TANC2: variants seen among roughly 807,000 people sequenced by gnomAD.
The protein encoded by TANC2 is tetratricopeptide repeat, ankyrin repeat and coiled-coil containing 2, also known as protein TANC2.
A neutral mutation model predicts 210.5 loss-of-function variants in TANC2; 26 were observed. That is an observed-to-expected ratio of 0.12 (90% confidence interval 0.09 to 0.17). The LOEUF (loss-of-function observed/expected upper bound fraction) is 0.17, where lower values mean the gene tolerates loss of function less well. Ranked by LOEUF, TANC2 falls within the 10% of genes least tolerant of loss-of-function variation. TANC2 has a pLI of 1.00. For synonymous variants in TANC2, 931 were observed against 967.1 expected (o/e 0.96, Z 0.69); for missense variants, 2,129 against 2,608.9 (o/e 0.82, Z 4.01).
intron 5 of TANC2, chr17:63,153,268 A>G (rs2039718987): frequency 6.6e-6 from 1 of 152,136 alleles, no homozygotes; most frequent in Non-Finnish European, 1.5e-5. Context: ...TAATTTTTGA[A>G]TTTCTTTCAC....
chr17:63,364,623 T>C (rs1567955917), intron 14 of TANC2, among the ~76,000 whole-genome samples: 1 of 152,152 alleles, frequency 6.6e-6, no homozygotes, highest in Non-Finnish European at 1.5e-5. Flanking sequence ...CGTTTACTTA[T>C]TCATGAAGCA....
chr17:63,302,677 A>C (rs1001686638), intron 9 of TANC2, among the ~76,000 whole-genome samples: 1 of 118,668 alleles, frequency 8.4e-6, no homozygotes, highest in Non-Finnish European at 1.6e-5. Flanking sequence ...TTTTGAGCCT[A>C]TGTGTGTCTT....
At chr17:63,238,286 A>G (rs1231650050) in intron 8 of TANC2, among the ~76,000 whole-genome samples, 1 of 152,154 alleles carries the variant, frequency 6.6e-6, no homozygotes, top group Non-Finnish European at 1.5e-5. Flanking sequence ...GTGATTGCTT[A>G]GTTCTGCTCC....
At chr17:63,389,136 T>A (rs1374515050) in intron 16 of TANC2, among the ~76,000 whole-genome samples, 172 bp from the exon 17 acceptor site, 1 of 152,204 alleles carries the variant, frequency 6.6e-6, no homozygotes, top group East Asian at 1.9e-4. Flanking sequence ...AAAGGAGATA[T>A]TTTACATTAT....
At chr17:63,415,397 C>G (rs2048826912) in intron 25 of TANC2, 131 bp from the exon 26 acceptor site, 1 of 1,217,998 alleles carries the variant, frequency 8.2e-7, no homozygotes, top group Non-Finnish European at 1.1e-6. Context: ...GCCAGAACTC[C>G]TCTCTAGGCT....
chr17:63,160,906 T>C (rs1166225652), intron 5 of TANC2, among the ~76,000 whole-genome samples: 1 of 152,230 alleles, frequency 6.6e-6, no homozygotes, highest in East Asian at 1.9e-4. Flanking sequence ...ATGGTCATCC[T>C]CAAATATTTT....
At chr17:63,280,475 T>C (rs898562771) in intron 9 of TANC2, among the ~76,000 whole-genome samples, 1 of 152,112 alleles carries the variant, frequency 6.6e-6, no homozygotes, top group East Asian at 1.9e-4. Context: ...GGATGTCTGC[T>C]AATAGTGAAG....
chr17:63,181,640 T>C (rs536543825), intron 5 of TANC2, among the ~76,000 whole-genome samples: 1 of 152,320 alleles, frequency 6.6e-6, no homozygotes, highest in South Asian at 2.1e-4. Context: ...CACCGACACC[T>C]CCTACCACCT....
intron 1 of TANC2, among the ~76,000 whole-genome samples, chr17:63,007,960 CTG>C (rs35942265): frequency 0.011 from 1,554 of 138,712 alleles, 16 homozygotes; most frequent in Non-Finnish European, 0.02. Flanking sequence ...TATTTTTAAA[CTG>C]AGAGTAAATT....
At chr17:63,111,024 A>G (rs1011976352) in intron 4 of TANC2, among the ~76,000 whole-genome samples, 2 of 152,140 alleles carry the variant, frequency 1.3e-5, no homozygotes, top group African/African-American at 4.8e-5. Context: ...ATTAAGTAAG[A>G]TATCATGGCC....
intron 2 of TANC2, among the ~76,000 whole-genome samples, chr17:63,067,593 TAAGA>T (rs977135290): frequency 1.1e-4 from 16 of 151,962 alleles, no homozygotes; most frequent in African/African-American, 3.6e-4. Flanking sequence ...AATAAAGTCT[TAAGA>T]AAGAAATAGG....
At chr17:63,296,572 C>G (rs1248333042) in intron 9 of TANC2, among the ~76,000 whole-genome samples, 1 of 152,098 alleles carries the variant, frequency 6.6e-6, no homozygotes, top group East Asian at 1.9e-4. Context: ...TGACAGAAGC[C>G]ATCCCTGAGG....
At chr17:63,354,139 A>G (rs1357256483) in intron 13 of TANC2, among the ~76,000 whole-genome samples, 1 of 152,168 alleles carries the variant, frequency 6.6e-6, no homozygotes, top group Non-Finnish European at 1.5e-5. Context: ...TAGGTAAGAA[A>G]GGATGGAATC....
intron 2 of TANC2, among the ~76,000 whole-genome samples, chr17:63,035,376 T>G (rs2034930965): frequency 6.6e-6 from 1 of 152,226 alleles, no homozygotes. Context: ...AAGAAATTTG[T>G]GTGACTCGCT....
chr17:63,283,250 G>A (rs1301340305), intron 9 of TANC2, among the ~76,000 whole-genome samples: 1 of 151,744 alleles, frequency 6.6e-6, no homozygotes, highest in Non-Finnish European at 1.5e-5. Context: ...GATTCCTTTT[G>A]TACCTTTGTT....
chr17:62,990,518 G>A (rs962955543), intron 1 of TANC2, among the ~76,000 whole-genome samples: 8 of 151,810 alleles, frequency 5.3e-5, no homozygotes, highest in Non-Finnish European at 1.0e-4. Context: ...CTCCTAGCTC[G>A]AGTGATCTTC....
At chr17:63,350,277 G>A (rs1415639036) in intron 12 of TANC2, among the ~76,000 whole-genome samples, 1 of 152,082 alleles carries the variant, frequency 6.6e-6, no homozygotes, top group Non-Finnish European at 1.5e-5. Context: ...TCTCACTCCA[G>A]GTATCTGATG....
intron 4 of TANC2, among the ~76,000 whole-genome samples, chr17:63,140,079 A>G (rs925027277): frequency 1.2e-4 from 18 of 152,210 alleles, no homozygotes; most frequent in Admixed American, 1.2e-3. Flanking sequence ...ACTTTATACT[A>G]CTAGTCAAAC....
At chr17:63,051,662 G>A (rs145046950) in intron 2 of TANC2, among the ~76,000 whole-genome samples, 56 of 152,250 alleles carry the variant, frequency 3.7e-4, no homozygotes, top group Non-Finnish European at 5.1e-4. Context: ...AACTATGATT[G>A]TGTGAAAGTG....
Sources: gnomAD v4.1 joint callset for allele counts (sites outside exome capture counted in the v4.1 genomes callset) on GRCh38, gnomAD v4.1.1 for gene constraint, MANE v1.5 for transcripts, NCBI Gene and HGNC (gene_info 2026-07-23, HGNC 2026-07-21) for gene names.